Variants in GPC5 observed in about 807,000 individuals in gnomAD.
GPC5 encodes glypican-5.
Under a neutral mutation model 53.9 loss-of-function variants are expected in GPC5, and 47 were observed. That is an observed-to-expected ratio of 0.87 (90% CI 0.69 to 1.11). The LOEUF is 1.11. GPC5 is among the 50% of genes most tolerant of loss of function. GPC5 has a pLI of 0.00. For missense variants in GPC5, 748 were observed against 713.1 expected (o/e 1.05, Z -0.56); for synonymous variants, 286 against 263.3 (o/e 1.09, Z -0.84).
chr13:91,752,693 T>C (rs2037205045), intron 4 of GPC5, among the ~76,000 whole-genome samples: 1 of 152,218 alleles, frequency 6.6e-6, no homozygotes, highest in African/African-American at 2.4e-5. Context: ...CTGAAAGATT[T>C]TCTCCATGTC....
intron 4 of GPC5, among the ~76,000 whole-genome samples, chr13:91,753,504 C>A (rs1378644450): frequency 6.6e-6 from 1 of 152,168 alleles, no homozygotes; most frequent in African/African-American, 2.4e-5. Flanking sequence ...TTCTCACATC[C>A]TCAGGGTTTC....
intron 2 of GPC5, among the ~76,000 whole-genome samples, chr13:91,539,354 G>A (rs1277738472): frequency 6.6e-6 from 1 of 152,086 alleles, no homozygotes. Context: ...CTGAAGGTCT[G>A]ACTTGATCTA....
At chr13:92,344,461 G>T (rs1414168693) in intron 7 of GPC5, among the ~76,000 whole-genome samples, 1 of 152,090 alleles carries the variant, frequency 6.6e-6, no homozygotes, top group Non-Finnish European at 1.5e-5. Context: ...AGGCCACCCT[G>T]CAGAATTAGA....
chr13:92,067,420 A>G (rs1472679589), intron 6 of GPC5, among the ~76,000 whole-genome samples: 1 of 152,058 alleles, frequency 6.6e-6, no homozygotes, highest in Non-Finnish European at 1.5e-5. Context: ...GTGTATGCAA[A>G]CAAAATGTGT....
intron 7 of GPC5, among the ~76,000 whole-genome samples, chr13:92,737,501 C>G (rs1311924138): frequency 1.3e-5 from 2 of 152,026 alleles, no homozygotes; most frequent in African/African-American, 4.8e-5. Flanking sequence ...ATCAAGAAAA[C>G]TGGAAATTTA....
intron 6 of GPC5, among the ~76,000 whole-genome samples, chr13:92,127,505 AG>A (rs1402409203): frequency 1.3e-5 from 2 of 152,198 alleles, no homozygotes; most frequent in Admixed American, 6.5e-5. Context: ...TCCCCTAAAC[AG>A]GGTTCAAGGA....
At chr13:91,434,482 T>C (rs1304704232) in intron 1 of GPC5, among the ~76,000 whole-genome samples, 3 of 152,192 alleles carry the variant, frequency 2.0e-5, no homozygotes, top group Non-Finnish European at 4.4e-5. Flanking sequence ...TTCTTGTTTT[T>C]GTCAGGTTTG....
chr13:92,327,751 A>C (rs2043262023), intron 7 of GPC5, among the ~76,000 whole-genome samples: 1 of 152,180 alleles, frequency 6.6e-6, no homozygotes, highest in African/African-American at 2.4e-5. Context: ...CAACGAAATC[A>C]AAACTTTTCA....
intron 6 of GPC5, among the ~76,000 whole-genome samples, chr13:92,111,023 C>T (rs768124797): frequency 6.6e-6 from 1 of 152,142 alleles, no homozygotes; most frequent in Non-Finnish European, 1.5e-5. Context: ...GAAGAGCTCC[C>T]TTTCCAACTG....
At chr13:91,427,790 C>T (rs1453997566) in intron 1 of GPC5, among the ~76,000 whole-genome samples, 1 of 152,066 alleles carries the variant, frequency 6.6e-6, no homozygotes, top group Non-Finnish European at 1.5e-5. Context: ...ATTGATGTCC[C>T]CAGGTGTTGA....
intron 1 of GPC5, among the ~76,000 whole-genome samples, chr13:91,440,340 C>T (rs568188062): frequency 6.6e-6 from 1 of 152,232 alleles, no homozygotes; most frequent in African/African-American, 2.4e-5. Context: ...CACATATTTT[C>T]TGCGGATCTA....
At chr13:92,189,890 C>T (rs982857579) in intron 7 of GPC5, among the ~76,000 whole-genome samples, 3 of 152,096 alleles carry the variant, frequency 2.0e-5, no homozygotes, top group African/African-American at 7.2e-5. Flanking sequence ...GCAACAGACA[C>T]TTCCAAAACT....
intron 5 of GPC5, among the ~76,000 whole-genome samples, chr13:91,765,988 A>T (rs2037515179): frequency 6.6e-6 from 1 of 152,250 alleles, no homozygotes; most frequent in Non-Finnish European, 1.5e-5. Context: ...AAAATTCTGT[A>T]ATACATAAAT....
intron 7 of GPC5, among the ~76,000 whole-genome samples, chr13:92,722,649 A>T (rs1466547769): frequency 6.6e-6 from 1 of 151,828 alleles, no homozygotes; most frequent in Non-Finnish European, 1.5e-5. Context: ...TTTGAAAGAA[A>T]GGGTAAAAAG....
intron 2 of GPC5, among the ~76,000 whole-genome samples, chr13:91,553,741 A>G (rs1002815643): frequency 6.6e-6 from 1 of 152,084 alleles, no homozygotes; most frequent in African/African-American, 2.4e-5. Flanking sequence ...CTGTTTAGCA[A>G]TAATTACTTA....
intron 2 of GPC5, among the ~76,000 whole-genome samples, chr13:91,526,814 G>A (rs1309788114): frequency 6.6e-6 from 1 of 152,164 alleles, no homozygotes; most frequent in Non-Finnish European, 1.5e-5. Flanking sequence ...TTGCAATCAT[G>A]GTAGAAGGTG....
At chr13:92,007,752 CTGTTCTAGCT>C (rs912443286) in intron 6 of GPC5, among the ~76,000 whole-genome samples, 4 of 152,130 alleles carry the variant, frequency 2.6e-5, no homozygotes, top group African/African-American at 7.2e-5. Flanking sequence ...ACTTTCTAAT[CTGTTCTAGCT>C]TGTTCTTTTC....
At chr13:92,113,728 T>C (rs1284303651) in intron 6 of GPC5, among the ~76,000 whole-genome samples, 1 of 151,738 alleles carries the variant, frequency 6.6e-6, no homozygotes, top group Non-Finnish European at 1.5e-5. Context: ...CCTGGGCATG[T>C]CATTTTTTTT....
At chr13:92,399,942 T>G (rs1875481719) in intron 7 of GPC5, among the ~76,000 whole-genome samples, 1 of 152,168 alleles carries the variant, frequency 6.6e-6, no homozygotes. Context: ...GGAAATTATT[T>G]GTGGTTGACT....
Sources: gnomAD v4.1 joint callset for allele counts (sites outside exome capture counted in the v4.1 genomes callset) on GRCh38, gnomAD v4.1.1 for gene constraint, MANE v1.5 for transcripts, NCBI Gene and HGNC (gene_info 2026-07-23, HGNC 2026-07-21) for gene names.